The following FERMT2 variants were observed in gnomAD, a reference collection of about 807,000 sequenced individuals.
The protein encoded by FERMT2 is FERM domain containing kindlin 2, also known as fermitin family homolog 2.
In FERMT2, 15 loss-of-function variants were observed where a neutral mutation model predicts 82.7. The observed-to-expected ratio is 0.18, with a 90% CI of 0.12 to 0.28. The LOEUF (loss-of-function observed/expected upper bound fraction) is 0.28, where lower values mean the gene tolerates loss of function less well. FERMT2 is among the 10% of genes least tolerant of loss of function. FERMT2 has a pLI of 1.00. For missense variants in FERMT2, 645 were observed against 809.4 expected, an observed-to-expected ratio of 0.80 and a Z score of 2.46; for synonymous variants, 274 against 271.5, an observed-to-expected ratio of 1.01 and a Z score of -0.09.
chr14:52,864,186 A>G (rs192715578), intron 12 of FERMT2, among the ~76,000 whole-genome samples: 77 of 152,316 alleles, frequency 5.1e-4, no homozygotes, highest in African/African-American at 1.7e-3. Context: ...AAATGTGCCA[A>G]TGAGCATTTG....
At chr14:52,915,381 T>C (rs1006484540) in intron 3 of FERMT2, among the ~76,000 whole-genome samples, 1 of 152,222 alleles carries the variant, frequency 6.6e-6, no homozygotes, top group African/African-American at 2.4e-5. Flanking sequence ...AGATTTATTA[T>C]GAGGCTACAG....
chr14:52,864,269 T>C (rs571066363), intron 12 of FERMT2, 132 bp downstream of exon 12: 36 of 643,346 alleles, frequency 5.6e-5, no homozygotes, highest in Non-Finnish European at 8.1e-5. Flanking sequence ...ATACTCTAAC[T>C]GTATTTTATA....
rs568242967 is a variant in FERMT2, at chr14:52,930,691, T to C, written c.158-11335A>G. On this transcript the variant is annotated intron_variant, in intron 2 of 14. Transcript: ENST00000341590. ...AATTTGTTGTTGTCTTAGGCCTGGG[T>C]TTCTTTTCTTTACTAAACGATGACA... Among the ~76,000 whole-genome samples, 3 of 152,304 alleles carry C rather than the reference T, an allele frequency of 2.0e-5. No homozygotes were observed. The East Asian group carries it at 5.8e-4, about 29-fold the overall frequency.
chr14:52,925,076 T>G (rs1570879), intron 2 of FERMT2, among the ~76,000 whole-genome samples: 125,997 of 152,098 alleles, frequency 0.83, 52,424 homozygotes, highest in East Asian at 1. Flanking sequence ...ATTTTGAAAC[T>G]AACAGTATCT....
chr14:52,877,907 T>C (rs542933496), intron 7 of FERMT2, among the ~76,000 whole-genome samples: 1 of 152,260 alleles, frequency 6.6e-6, no homozygotes, highest in African/African-American at 2.4e-5. Flanking sequence ...ATGAATTAAT[T>C]TGGTCATCAG....
chr14:52,947,382 G>C (rs1206749767), intron 2 of FERMT2, among the ~76,000 whole-genome samples: 2 of 152,176 alleles, frequency 1.3e-5, no homozygotes, highest in Non-Finnish European at 1.5e-5. Context: ...GGGAGGCTGA[G>C]GCAGGAGAAT....
chr14:52,946,777 A>T (rs527959313), intron 2 of FERMT2, among the ~76,000 whole-genome samples: 4 of 151,978 alleles, frequency 2.6e-5, no homozygotes, highest in Admixed American at 2.6e-4. Context: ...GGTTCAAGTG[A>T]TTCTCCTGCC....
Position 52,857,431 on chromosome 14 carries a change from C to T in FERMT2, c.*946G>A, listed in dbSNP as rs747208640. On this transcript the variant is annotated 3_prime_UTR_variant, in exon 15 of 15. Coordinates refer to ENST00000341590, the MANE Select transcript of FERMT2 (RefSeq NM_006832.3). ...CTAGCACCAATACAGATTGTAACAG[C>T]GCAACAGACTAGAACATGGCCAGTC... The T allele has an allele frequency of 3.3e-5, 5 of 152,530 alleles. No homozygotes were observed. Among genetic ancestry groups the T allele is most frequent in the South Asian group, 2.1e-4 (1 of 4,812 alleles). 9.4% of individuals were successfully genotyped at this position (152,530 alleles called of 1,614,324 possible). A position where few individuals can be genotyped will look rare whatever the true frequency, so the allele number is the denominator to read the frequency against.
intron 2 of FERMT2, among the ~76,000 whole-genome samples, chr14:52,937,651 G>C (rs1243741514): frequency 6.6e-6 from 1 of 152,130 alleles, no homozygotes; most frequent in Admixed American, 6.5e-5. Context: ...CCATATAATA[G>C]TTGGCTCTCC....
chr14:52,866,796 C>T (rs1167506547), intron 10 of FERMT2, among the ~76,000 whole-genome samples: 3 of 152,286 alleles, frequency 2.0e-5, no homozygotes. Context: ...TAAGTCCATC[C>T]ATTTCCTGCC....
chr14:52,942,919 AAT>A lies in FERMT2; in HGVS notation c.157+7491_157+7492del, dbSNP rs543386100. On this transcript the variant is annotated intron_variant, in intron 2 of 14. Transcript: ENST00000341590. ...AAGTATGTGAAAAAGAACCTATAAA[AAT>A]ATCACTCTTGGCCAGGCGTGGTGGC... Among the ~76,000 whole-genome samples the A allele has an allele frequency of 3.0e-3, 453 of 152,256 alleles. 4 individuals carry two copies. Among genetic ancestry groups the A allele is most frequent in the African/African-American group, 0.01 (420 of 41,542 alleles).
intron 4 of FERMT2, among the ~76,000 whole-genome samples, chr14:52,890,152 G>T (rs923188896): frequency 2.0e-5 from 3 of 151,146 alleles, no homozygotes; most frequent in Non-Finnish European, 4.4e-5. Context: ...AATAAAGAAG[G>T]CTGGGTGCGG....
rs1458517299 is a variant in FERMT2 at position 52,933,723 on chromosome 14, AAAAAAAAAAAAAAAG to A, written c.158-14382_158-14368del. Among the ~76,000 whole-genome samples, 6 of 149,180 alleles carry A rather than the reference AAAAAAAAAAAAAAAG, an allele frequency of 4.0e-5. 1 individual carries two copies. The highest frequency in any genetic ancestry group is 1.4e-4 in the Admixed American group (2 of 14,798). On this transcript the variant is annotated intron_variant, in intron 2 of 14. Coordinates refer to ENST00000341590, the MANE Select transcript of FERMT2 (RefSeq NM_006832.3). ...AAAACTCCGTCTCAAAAAAAAAAAA[AAAAAAAAAAAAAAAG>A]GGAAAAGAAAAAAACCCCAAAACTT...
At chr14:52,936,527 T>A (rs1285434657) in intron 2 of FERMT2, among the ~76,000 whole-genome samples, 10 of 152,216 alleles carry the variant, frequency 6.6e-5, no homozygotes. Context: ...TATTTCTTCT[T>A]GAGCCTCACG....
intron 2 of FERMT2, among the ~76,000 whole-genome samples, chr14:52,926,494 G>A (rs185103659): frequency 1.0e-3 from 153 of 151,482 alleles, no homozygotes; most frequent in African/African-American, 3.3e-3. Flanking sequence ...AAACATCACC[G>A]GAGTAGATTC....
Position 52,859,675 on chromosome 14 carries a change from T to C in FERMT2, c.1767A>G (p.Ala589=). The part of the protein sequence containing the change: ...GGKKEELIGI[A]YNRLIRMDAS... ...CATCCATCCGAATCAGTCTGTTGTA[T>C]GCAATTCCAATAAGTTCTTCTTTTT... Residue 589 remains alanine, a synonymous_variant, in exon 14 of 15, where the codon GCA becomes GCG. Coordinates refer to ENST00000341590, the MANE Select transcript of FERMT2 (RefSeq NM_006832.3). 3 of 1,606,172 alleles carry C rather than the reference T, an allele frequency of 1.9e-6. No homozygotes were observed. Among genetic ancestry groups the C allele is most frequent in the Non-Finnish European group, 1.7e-6 (2 of 1,175,878 alleles).
chr14:52,914,199 CAA>C (rs199591276), intron 3 of FERMT2, among the ~76,000 whole-genome samples: 1 of 143,160 alleles, frequency 7.0e-6, no homozygotes, highest in Non-Finnish European at 1.5e-5. Context: ...CCTGTCTCTA[CAA>C]AAAAAAAAAT....
chr14:52,875,458 T>C (rs887082702), intron 7 of FERMT2, 101 bp from the exon 8 acceptor site: 9 of 829,994 alleles, frequency 1.1e-5, no homozygotes, highest in Middle Eastern at 3.3e-4. Context: ...AGGACCTAAT[T>C]TGAAAAGACA....
intron 2 of FERMT2, among the ~76,000 whole-genome samples, chr14:52,925,316 C>T (rs150201093): frequency 1.1e-4 from 17 of 152,170 alleles, no homozygotes; most frequent in African/African-American, 4.1e-4. Flanking sequence ...TGTTGGGAGG[C>T]CAAGGTGGGC....
Sources: allele counts gnomAD v4.1 joint callset (sites outside exome capture counted in the v4.1 genomes callset), GRCh38; gene constraint gnomAD v4.1.1; transcripts MANE v1.5; gene names NCBI Gene and HGNC (gene_info 2026-07-23, HGNC 2026-07-21).